Variants in RIMKLB observed in about 807,000 individuals in gnomAD.
The protein encoded by RIMKLB is ribosomal modification protein rimK like family member B, also known as beta-citrylglutamate synthase B.
Under a neutral mutation model 32.0 loss-of-function variants are expected in RIMKLB, and 7 were observed. That is an observed-to-expected ratio of 0.22 (90% CI 0.12 to 0.41). The LOEUF (loss-of-function observed/expected upper bound fraction) is 0.41, where lower values mean the gene tolerates loss of function less well. Among genes scored for constraint, RIMKLB ranks in the 10% least tolerant of loss-of-function variants. RIMKLB has a pLI of 1.00. For synonymous variants in RIMKLB, 172 were observed against 185.1 expected (o/e 0.93, Z 0.57); for missense variants, 289 against 498.7 (o/e 0.58, Z 4.00).
intron 5 of RIMKLB, among the ~76,000 whole-genome samples, chr12:8,767,771 G>T (rs1048527131): frequency 1.3e-5 from 2 of 152,144 alleles, no homozygotes; most frequent in African/African-American, 4.8e-5. Flanking sequence ...GAAGGTTTGG[G>T]TTTGTTAGAA....
chr12:8,680,372 G>A (rs968581590), upstream of RIMKLB, among the ~76,000 whole-genome samples: 2 of 151,866 alleles, frequency 1.3e-5, no homozygotes, highest in African/African-American at 2.4e-5. Flanking sequence ...TGTTAGCCAG[G>A]ATGGTCTCCA....
chr12:8,718,669 ATGTGTGTGTGTGTGTGTGTGTG>A (rs1182850325), intron 2 of RIMKLB, among the ~76,000 whole-genome samples: 83 of 116,206 alleles, frequency 7.1e-4, no homozygotes, highest in Middle Eastern at 4.2e-3. Flanking sequence ...ATATATATAT[ATGTGTGTGTGTGTGTGTGTGTG>A]TGTGTGTGTG....
At chr12:8,748,519 C>CGTGTGTGTGTGTGTGTGTGTGT (rs58187682) in intron 2 of RIMKLB, among the ~76,000 whole-genome samples, 15 of 131,286 alleles carry the variant, frequency 1.1e-4, no homozygotes, top group African/African-American at 4.5e-4. Context: ...TGGGATTATT[C>CGTGTGTGTGTGTGTGTGTGTGT]GTGTGTGTGT....
chr12:8,768,524 A>C (rs1416045383), intron 5 of RIMKLB, among the ~76,000 whole-genome samples: 4 of 152,190 alleles, frequency 2.6e-5, no homozygotes, highest in Non-Finnish European at 4.4e-5. Context: ...TTTTTAAAAA[A>C]CTTTATCACA....
intron 2 of RIMKLB, chr12:8,742,592 A>T (rs1028268788): frequency 3.2e-6 from 1 of 308,344 alleles, no homozygotes; most frequent in Non-Finnish European, 6.2e-6. Context: ...TTTGAAGAGG[A>T]CCTGGGAGAA....
chr12:8,708,005 C>A (rs1343405647), intron 1 of RIMKLB, among the ~76,000 whole-genome samples: 1 of 152,110 alleles, frequency 6.6e-6, no homozygotes, highest in African/African-American at 2.4e-5. Context: ...TATTAAAATT[C>A]TATCGTATGT....
At chr12:8,777,211 CTTTCTTT>C (rs1224241169), downstream of RIMKLB, 10 of 483,498 alleles carry the variant, frequency 2.1e-5, no homozygotes, top group African/African-American at 3.1e-4. Flanking sequence ...TGCTTGCTTG[CTTTCTTT>C]TTTTTTTTTT....
chr12:8,740,680 G>A (rs1264322867), intron 2 of RIMKLB, among the ~76,000 whole-genome samples: 2 of 152,222 alleles, frequency 1.3e-5, no homozygotes, highest in Admixed American at 1.3e-4. Flanking sequence ...ATTTTAAAGA[G>A]CATATGTCTA....
downstream of RIMKLB, among the ~76,000 whole-genome samples, chr12:8,778,643 C>T (rs749790631): frequency 2.6e-5 from 4 of 152,286 alleles, no homozygotes; most frequent in East Asian, 1.9e-4. Flanking sequence ...TCCTCTCCTC[C>T]GTCTTTACCC....
intron 2 of RIMKLB, among the ~76,000 whole-genome samples, chr12:8,737,101 T>A (rs1057135000): frequency 6.6e-6 from 1 of 152,186 alleles, no homozygotes; most frequent in Non-Finnish European, 1.5e-5. Flanking sequence ...ACGTGAGCCA[T>A]CGTGCCCAGC....
chr12:8,770,182 C>CT (rs1950294268), intron 5 of RIMKLB, among the ~76,000 whole-genome samples: 1 of 152,342 alleles, frequency 6.6e-6, no homozygotes, highest in South Asian at 2.1e-4. Context: ...AGCCTGGTCT[C>CT]TAACTCCTGA....
chr12:8,738,440 G>A (rs1413531869), intron 2 of RIMKLB, among the ~76,000 whole-genome samples: 1 of 152,160 alleles, frequency 6.6e-6, no homozygotes, highest in African/African-American at 2.4e-5. Context: ...GTAATAACGA[G>A]CTGTTTCTTA....
At chr12:8,777,405 G>GT, downstream of RIMKLB, 1 of 984,682 alleles carries the variant, frequency 1.0e-6, no homozygotes, top group Non-Finnish European at 1.2e-6. Flanking sequence ...TTTTTGTGTG[G>GT]TATTTTATTT....
At chr12:8,679,060 T>A (rs1437319595), upstream of RIMKLB, 2 of 154,968 alleles carry the variant, frequency 1.3e-5, no homozygotes, top group East Asian at 1.8e-4. Flanking sequence ...TACCTTGGGA[T>A]GGCCAGCCAG....
chr12:8,694,971 A>G (rs756379374), upstream of RIMKLB, among the ~76,000 whole-genome samples: 15 of 152,324 alleles, frequency 9.8e-5, no homozygotes, highest in East Asian at 2.7e-3. Flanking sequence ...TATGTTATGC[A>G]TTACATTTGA....
intron 5 of RIMKLB, among the ~76,000 whole-genome samples, chr12:8,758,468 G>T (rs1949250667): frequency 6.6e-6 from 1 of 152,038 alleles, no homozygotes; most frequent in African/African-American, 2.4e-5. Context: ...TATATGAATT[G>T]TAAGTACAGT....
intron 2 of RIMKLB, among the ~76,000 whole-genome samples, chr12:8,739,321 C>T (rs917665347): frequency 2.6e-5 from 4 of 152,126 alleles, no homozygotes; most frequent in African/African-American, 9.7e-5. Context: ...AGCATGTGTA[C>T]AAGCTCTCAT....
rs751906398 is a variant in RIMKLB, at chr12:8,723,729, T to G, written c.175+9688T>G. ...TTGTCCTTTTGTCTTTCTCTACTCCTTCCGGAATATCCATAATGCATATTA... is the reference window on the plus strand; with the variant it reads ...TTGTCCTTTTGTCTTTCTCTACTCCGTCCGGAATATCCATAATGCATATTA... On this transcript the variant is annotated intron_variant, in intron 2 of 5. Transcript: ENST00000535829. Among the ~76,000 whole-genome samples the G allele has an allele frequency of 8.6e-5, 13 of 151,702 alleles. 1 individual carries two copies. The South Asian group carries it at 1.7e-3, about 19-fold the overall frequency.
chr12:8,736,904 C>T (rs113552540), intron 2 of RIMKLB, among the ~76,000 whole-genome samples: 5,461 of 152,236 alleles, frequency 0.036, 121 homozygotes, highest in Middle Eastern at 0.12. Flanking sequence ...TTCTGCCTCC[C>T]GCGTTCAGGC....
Sources: allele counts gnomAD v4.1 joint callset (sites outside exome capture counted in the v4.1 genomes callset), GRCh38; gene constraint gnomAD v4.1.1; transcripts MANE v1.5; gene names NCBI Gene and HGNC (gene_info 2026-07-23, HGNC 2026-07-21).